The following CEP128 variants were observed in gnomAD, a reference collection of about 807,000 sequenced individuals.
CEP128 encodes centrosomal protein 128, also known as centrosomal protein 128kDa.
A neutral mutation model predicts 156.7 loss-of-function variants in CEP128; 132 were observed. The observed-to-expected ratio is 0.84, with a 90% CI of 0.73 to 0.97. The LOEUF (loss-of-function observed/expected upper bound fraction) is 0.97. CEP128 is among the 50% of genes least tolerant of loss of function. The pLI, the probability that CEP128 is intolerant of heterozygous loss-of-function variation, is 0.00. For synonymous variants in CEP128, 469 were observed against 448.9 expected (o/e 1.04, Z -0.57); for missense variants, 1,252 against 1,281.9 (o/e 0.98, Z 0.36).
At chr14:80,901,744 T>C (rs1485040882) in intron 6 of CEP128, among the ~76,000 whole-genome samples, 1 of 152,206 alleles carries the variant, frequency 6.6e-6, no homozygotes, top group East Asian at 1.9e-4. Context: ...TTTTATCCAC[T>C]AAAATGCTTT....
intron 13 of CEP128, among the ~76,000 whole-genome samples, chr14:80,811,301 T>C (rs374798057): frequency 5.9e-5 from 9 of 152,300 alleles, no homozygotes; most frequent in African/African-American, 2.2e-4. Context: ...TACCCTGTAA[T>C]GGGATTACTG....
intron 19 of CEP128, among the ~76,000 whole-genome samples, chr14:80,596,607 G>A (rs1274671142): frequency 6.6e-6 from 1 of 151,888 alleles, no homozygotes; most frequent in Non-Finnish European, 1.5e-5. Flanking sequence ...CCGGAAGGTT[G>A]AGACCAGCCT....
At chr14:80,872,069 C>A (rs1176741858) in intron 8 of CEP128, among the ~76,000 whole-genome samples, 1 of 152,058 alleles carries the variant, frequency 6.6e-6, no homozygotes, top group African/African-American at 2.4e-5. Context: ...TAATGGTCAA[C>A]CCTTCCAGAA....
intron 8 of CEP128, among the ~76,000 whole-genome samples, chr14:80,892,048 C>G (rs1216455535): frequency 6.6e-6 from 1 of 151,120 alleles, no homozygotes; most frequent in Non-Finnish European, 1.5e-5. Context: ...AATGGCATTC[C>G]TCACAGGAAA....
chr14:80,787,532 G>A (rs1901474847), intron 14 of CEP128, among the ~76,000 whole-genome samples: 1 of 152,128 alleles, frequency 6.6e-6, no homozygotes, highest in Non-Finnish European at 1.5e-5. Context: ...GATCACAGGA[G>A]TAATGTCTTA....
chr14:80,956,007 C>A, intron 2 of CEP128: 4 of 875,656 alleles, frequency 4.6e-6, no homozygotes, highest in South Asian at 1.5e-5. Flanking sequence ...TGTGTGTGTG[C>A]TAAAAACTTA....
At chr14:80,529,377 T>G (rs1411218667) in intron 22 of CEP128, among the ~76,000 whole-genome samples, 1 of 152,224 alleles carries the variant, frequency 6.6e-6, no homozygotes, top group Non-Finnish European at 1.5e-5. Flanking sequence ...GTATATGAGC[T>G]AGACTTGTAG....
intron 12 of CEP128, among the ~76,000 whole-genome samples, chr14:80,834,080 T>C (rs966516982): frequency 1.3e-5 from 2 of 152,078 alleles, no homozygotes; most frequent in African/African-American, 2.4e-5. Context: ...GGAGAGCAAA[T>C]AGAGCTAGAT....
chr14:80,531,581 G>C (rs150828253), intron 21 of CEP128, among the ~76,000 whole-genome samples: 9 of 152,172 alleles, frequency 5.9e-5, no homozygotes, highest in Non-Finnish European at 1.2e-4. Context: ...TGAGACTAGA[G>C]ACTGCATATA....
intron 19 of CEP128, among the ~76,000 whole-genome samples, chr14:80,723,539 A>C (rs759882737): frequency 2.6e-5 from 4 of 152,230 alleles, no homozygotes; most frequent in Non-Finnish European, 1.5e-5. Context: ...ATAAGAAGTG[A>C]AAACTTTGAA....
At position 80,587,739 on chromosome 14, in the gene CEP128, T is replaced by C. The variant is rs551758009; in HGVS notation, c.2807-7316A>G. 6.6e-5 allele frequency among the ~76,000 whole-genome samples: 10 copies of C among 152,296 alleles called. No individual in the cohort carries two copies. The South Asian group carries it at 1.9e-3, about 28-fold the overall frequency. ...GTAGGAAACACATCACTGTTCTAAA[T>C]TGGCCTATGGGCTGTCTTGGCCAAA... On this transcript the variant is annotated intron_variant, in intron 19 of 24. Transcript: ENST00000555265.
chr14:80,810,653 C>T (rs1436870850), intron 13 of CEP128, among the ~76,000 whole-genome samples: 2 of 152,028 alleles, frequency 1.3e-5, no homozygotes, highest in Non-Finnish European at 2.9e-5. Context: ...TGGTCTTGTA[C>T]AATGCATTAG....
rs570655758 is a variant in CEP128, at chr14:80,533,295, C to T, written c.2881-2409G>A. On this transcript the variant is annotated intron_variant, in intron 21 of 24. Transcript: ENST00000555265. ...GCATAAAATCCTCTTCATAAACACA[C>T]TCCAATAATATCTGTAGTATTAAAA... Among the ~76,000 whole-genome samples the T allele has an allele frequency of 5.5e-3, 838 of 152,140 alleles. 6 individuals are homozygous for T. The highest frequency in any genetic ancestry group is 8.5e-3 in the Non-Finnish European group (581 of 67,982).
At chr14:80,923,832 G>A (rs958665278) in intron 2 of CEP128, among the ~76,000 whole-genome samples, 1 of 151,924 alleles carries the variant, frequency 6.6e-6, no homozygotes, top group Non-Finnish European at 1.5e-5. Flanking sequence ...TAATCCCCAT[G>A]CATTTAGTGA....
chr14:80,492,884 T>C (rs1409333940), downstream of CEP128, among the ~76,000 whole-genome samples: 1 of 152,186 alleles, frequency 6.6e-6, no homozygotes, highest in African/African-American at 2.4e-5. Flanking sequence ...ACATTTATCC[T>C]ACTTTCCCTC....
At position 80,895,753 on chromosome 14, in the gene CEP128, T is replaced by G; in HGVS notation, c.610A>C (p.Thr204Pro). The change falls in exon 8 of 25, where the codon ACT (threonine) becomes CCT (proline). Residue 204 changes from threonine (T) to proline (P), a missense_variant. By Grantham distance (38) the Thr-to-Pro change is conservative. Transcript: ENST00000555265. The stretch of plus-strand genomic sequence containing the variant: ...TTCTGGGCTTCATTAAGTTTTTCAG[T>G]CAATTCTTCCAAAGCCCTTTTTGTT... ...AETKRALEEL[T>P]EKLNEAQKQE... 1 of 1,571,222 alleles carries G rather than the reference T, an allele frequency of 6.4e-7. No individual in the cohort carries two copies. Among genetic ancestry groups the G allele is most frequent in the Non-Finnish European group, 8.6e-7 (1 of 1,158,070 alleles).
intron 15 of CEP128, among the ~76,000 whole-genome samples, chr14:80,779,768 T>C (rs1164118193): frequency 5.9e-5 from 9 of 152,234 alleles, no homozygotes. Context: ...AATGCGAAGC[T>C]TGACTAACAA....
intron 19 of CEP128, among the ~76,000 whole-genome samples, chr14:80,713,791 A>T (rs11846048): frequency 0.72 from 108,804 of 152,080 alleles, 39,118 homozygotes; most frequent in African/African-American, 0.78. Context: ...TTGGAAACAA[A>T]GATAGTGATT....
chr14:80,836,434 C>T, intron 11 of CEP128, 97 bp from the exon 12 acceptor site: 2 of 1,353,410 alleles, frequency 1.5e-6, no homozygotes, highest in Non-Finnish European at 2.1e-6. Context: ...CCAGGTTAAT[C>T]TCCTTCCAAG....
Sources: allele counts gnomAD v4.1 joint callset (sites outside exome capture counted in the v4.1 genomes callset), GRCh38; gene constraint gnomAD v4.1.1; transcripts MANE v1.5; gene names NCBI Gene and HGNC (gene_info 2026-07-23, HGNC 2026-07-21).